The following PTK7 variants were observed in gnomAD, a reference collection of about 807,000 sequenced individuals.
PTK7 encodes the protein protein tyrosine kinase 7 (inactive), also known as inactive tyrosine-protein kinase 7.
Under a neutral mutation model 116.6 loss-of-function variants are expected in PTK7, and 39 were observed. That is an observed-to-expected ratio of 0.33 (90% confidence interval 0.26 to 0.44). PTK7 has a LOEUF of 0.44. Ranked by LOEUF, PTK7 falls within the 20% of genes least tolerant of loss-of-function variation. The probability of loss-of-function intolerance (pLI) is 1.00; values close to 1 mark genes in which losing one functional copy is unlikely to be tolerated. For synonymous variants in PTK7, 546 were observed against 563.6 expected, an observed-to-expected ratio of 0.97 and a Z score of 0.44; for missense variants, 1,169 against 1,425.6, an observed-to-expected ratio of 0.82 and a Z score of 2.90.
At chr6:43,107,762 A>G (rs139802467) in intron 1 of PTK7, among the ~76,000 whole-genome samples, 21 of 152,338 alleles carry the variant, frequency 1.4e-4, no homozygotes, top group African/African-American at 5.1e-4. Flanking sequence ...GTTCCACATC[A>G]TGTTGGGATA....
rs140767923 is a variant in PTK7, at chr6:43,146,294, T to C, written c.2641-324T>C. ...GGACAGGGGTTTCCTCTCAGGAATC[T>C]TTGAGGGCAGAGGGTAGGGGACTGT... is the stretch of plus-strand genomic sequence containing the variant. On this transcript the variant is annotated intron_variant, in intron 16 of 19. Coordinates refer to ENST00000230419, the MANE Select transcript of PTK7 (RefSeq NM_002821.5). 5.6e-4 allele frequency: 118 copies of C among 209,352 alleles called. 1 individual carries two copies. Among genetic ancestry groups the C allele is most frequent in the African/African-American group, 2.4e-3 (107 of 43,920 alleles). 13.0% of individuals were successfully genotyped at this position (209,352 alleles called of 1,614,324 possible).
intron 1 of PTK7, among the ~76,000 whole-genome samples, chr6:43,123,607 T>TGGGGGGGGGGGG (rs1769093223): frequency 5.4e-5 from 3 of 55,056 alleles, no homozygotes; most frequent in Admixed American, 2.0e-4. Flanking sequence ...CTGGCGGGGG[T>TGGGGGGGGGGGG]GGGGGTGGAG....
chr6:43,120,987 A>C, intron 1 of PTK7, among the ~76,000 whole-genome samples: 1 of 151,014 alleles, frequency 6.6e-6, no homozygotes, highest in Non-Finnish European at 1.5e-5. Flanking sequence ...CCAGAAGAAG[A>C]TGGGCGGGGT....
Position 43,108,262 on chromosome 6 carries a change from T to C in PTK7, c.80-20715T>C, listed in dbSNP as rs372940989. ...GGCGCCTGCCACCATGCCTGGCTAA[T>C]TTTTGTATTTTTAGTAGAGACGGGG... is the stretch of plus-strand genomic sequence containing the variant. On this transcript the variant is annotated intron_variant, in intron 1 of 19. Coordinates refer to ENST00000230419, the MANE Select transcript of PTK7 (RefSeq NM_002821.5). 2.0e-5 allele frequency among the ~76,000 whole-genome samples: 3 copies of C among 151,532 alleles called. 1 individual carries two copies. Among genetic ancestry groups the C allele is most frequent in the African/African-American group, 7.3e-5 (3 of 41,258 alleles).
chr6:43,079,183 T>G (rs1166181231), intron 1 of PTK7, among the ~76,000 whole-genome samples: 1 of 152,080 alleles, frequency 6.6e-6, no homozygotes, highest in Non-Finnish European at 1.5e-5. Flanking sequence ...AATCCAAGGG[T>G]GCGGCCAGGC....
chr6:43,125,753 C>T (rs967900701), intron 1 of PTK7, among the ~76,000 whole-genome samples: 1 of 152,216 alleles, frequency 6.6e-6, no homozygotes, highest in African/African-American at 2.4e-5. Context: ...TCCAGGTTTA[C>T]AACTCATGAC....
chr6:43,156,421 A>AG (rs1771435811), intron 17 of PTK7, among the ~76,000 whole-genome samples: 1 of 151,852 alleles, frequency 6.6e-6, no homozygotes, highest in African/African-American at 2.4e-5. Context: ...GAGCAACATA[A>AG]GGAGACCCCC....
intron 1 of PTK7, among the ~76,000 whole-genome samples, chr6:43,099,703 A>T (rs1767458716): frequency 6.6e-6 from 1 of 152,190 alleles, no homozygotes; most frequent in African/African-American, 2.4e-5. Flanking sequence ...AAATATTTTA[A>T]TATTTATCGG....
intron 1 of PTK7, among the ~76,000 whole-genome samples, chr6:43,127,380 G>A (rs967903096): frequency 3.3e-5 from 5 of 152,236 alleles, no homozygotes; most frequent in South Asian, 2.1e-4. Flanking sequence ...TGCCGCCGCC[G>A]TAACCATGCC....
Position 43,114,694 on chromosome 6 carries a change from G to A in PTK7, c.80-14283G>A, listed in dbSNP as rs571642031. On this transcript the variant is annotated intron_variant, in intron 1 of 19. Coordinates refer to ENST00000230419, the MANE Select transcript of PTK7 (RefSeq NM_002821.5). ...AGGAGCCCTTTTCTCAGCCGTCCGC[G>A]TGTGCTTTATGCTTTATGTTTCCCT... 2.6e-5 allele frequency among the ~76,000 whole-genome samples: 4 copies of A among 152,198 alleles called. 1 individual carries two copies. In the East Asian group the frequency reaches 5.8e-4, roughly 22 times the overall value.
At chr6:43,082,278 C>T (rs536851999) in intron 1 of PTK7, among the ~76,000 whole-genome samples, 5 of 152,216 alleles carry the variant, frequency 3.3e-5, no homozygotes, top group Admixed American at 6.5e-5. Flanking sequence ...TGGGTTCAAG[C>T]GATTCTCCTG....
chr6:43,148,324 G>A (rs539723920), intron 17 of PTK7, among the ~76,000 whole-genome samples: 9 of 152,278 alleles, frequency 5.9e-5, no homozygotes, highest in African/African-American at 2.2e-4. Context: ...AGGAGATTAG[G>A]TACATGAGTA....
At chr6:43,142,137 C>A (rs939604766) in intron 12 of PTK7, 35 bp from the exon 13 acceptor site, 1 of 1,611,810 alleles carries the variant, frequency 6.2e-7, no homozygotes, top group African/African-American at 1.3e-5. Flanking sequence ...CCCCTCCCTG[C>A]GAGCTGGCCA....
chr6:43,098,409 G>T (rs1271002961), intron 1 of PTK7, among the ~76,000 whole-genome samples: 1 of 151,226 alleles, frequency 6.6e-6, no homozygotes, highest in Non-Finnish European at 1.5e-5. Context: ...AGGCTGGAGT[G>T]TAGTGGTGCA....
intron 1 of PTK7, among the ~76,000 whole-genome samples, chr6:43,096,328 ATTGGGTTC>A (rs1159814775): frequency 6.6e-6 from 1 of 152,034 alleles, no homozygotes; most frequent in Non-Finnish European, 1.5e-5. Context: ...AACGGTGTAA[ATTGGGTTC>A]TTCACACTGT....
intron 1 of PTK7, among the ~76,000 whole-genome samples, chr6:43,097,228 G>A (rs572563405): frequency 9.6e-4 from 146 of 152,320 alleles, no homozygotes; most frequent in Non-Finnish European, 1.8e-3. Flanking sequence ...CTTTTAAAGG[G>A]AAGCTAAACC....
intron 1 of PTK7, among the ~76,000 whole-genome samples, chr6:43,112,465 T>C (rs1361755788): frequency 2.0e-5 from 3 of 151,996 alleles, no homozygotes; most frequent in Non-Finnish European, 4.4e-5. Flanking sequence ...CTCCTCCATC[T>C]GTCTGCCAGG....
In PTK7 at chr6:43,093,784, G is replaced by T. The variant is rs114977342; in HGVS notation, c.79+17217G>T. Among the ~76,000 whole-genome samples the T allele has an allele frequency of 6.2e-3, 941 of 152,296 alleles. 9 individuals carry two copies. The highest frequency in any genetic ancestry group is 0.022 in the African/African-American group (898 of 41,564). ...GCAAAGAAAGAATGAAGCAACAGAA[G>T]AACGAAGGCAGGGATTTATTGAAAA... is the stretch of plus-strand genomic sequence containing the variant. On this transcript the variant is annotated intron_variant, in intron 1 of 19. Coordinates refer to ENST00000230419, the MANE Select transcript of PTK7 (RefSeq NM_002821.5).
At chr6:43,123,291 T>G (rs1425358452) in intron 1 of PTK7, among the ~76,000 whole-genome samples, 2 of 152,152 alleles carry the variant, frequency 1.3e-5, no homozygotes, top group Non-Finnish European at 1.5e-5. Context: ...AGAAGTTGAT[T>G]GATAGAATCA....
Sources: gnomAD v4.1 joint callset for allele counts (sites outside exome capture counted in the v4.1 genomes callset) on GRCh38, gnomAD v4.1.1 for gene constraint, MANE v1.5 for transcripts, NCBI Gene and HGNC (gene_info 2026-07-23, HGNC 2026-07-21) for gene names.